The following FYB2 variants were observed in gnomAD, a reference collection of about 807,000 sequenced individuals.
The protein encoded by FYB2 is FYN binding protein 2.
Under a neutral mutation model 94.1 loss-of-function variants are expected in FYB2, and 103 were observed. That is an observed-to-expected ratio of 1.09 (90% confidence interval 0.93 to 1.29). The LOEUF (loss-of-function observed/expected upper bound fraction) is 1.29. Among genes scored for constraint, FYB2 ranks in the 50% most tolerant of loss-of-function variants. The pLI is 0.00. For missense variants in FYB2, 896 were observed against 841.5 expected (o/e 1.06, Z -0.80); for synonymous variants, 293 against 287.9 (o/e 1.02, Z -0.18).
chr1:56,746,511 A>C (rs1425842571), intron 9 of FYB2, among the ~76,000 whole-genome samples: 1 of 151,998 alleles, frequency 6.6e-6, no homozygotes, highest in Admixed American at 6.6e-5. Flanking sequence ...TTCTAATACC[A>C]GCGGTACTTA....
intron 9 of FYB2, among the ~76,000 whole-genome samples, chr1:56,747,505 G>A (rs929519947): frequency 1.3e-5 from 2 of 152,002 alleles, no homozygotes; most frequent in Non-Finnish European, 2.9e-5. Context: ...AGAATGTGTG[G>A]TGTTGGGTTT....
chr1:56,820,628 A>C (rs536374790), upstream of FYB2, among the ~76,000 whole-genome samples: 1 of 152,354 alleles, frequency 6.6e-6, no homozygotes, highest in African/African-American at 2.4e-5. Context: ...GTGATTCCCA[A>C]ACCTGGCTGA....
intron 15 of FYB2, among the ~76,000 whole-genome samples, chr1:56,733,830 C>A (rs1644767809): frequency 6.6e-6 from 1 of 152,066 alleles, no homozygotes; most frequent in African/African-American, 2.4e-5. Context: ...GCTTTACTTC[C>A]AATTATGTGA....
intron 4 of FYB2, among the ~76,000 whole-genome samples, chr1:56,783,257 A>G (rs1463968790): frequency 6.6e-6 from 1 of 152,144 alleles, no homozygotes; most frequent in Non-Finnish European, 1.5e-5. Flanking sequence ...AGATGTGTGT[A>G]TCGAAGATCT....
intron 15 of FYB2, among the ~76,000 whole-genome samples, chr1:56,732,750 G>T (rs1016580451): frequency 6.6e-6 from 1 of 151,986 alleles, no homozygotes; most frequent in East Asian, 1.9e-4. Context: ...TTCAGTAAAT[G>T]GTGCTAGGAA....
At chr1:56,743,982 T>C in intron 11 of FYB2, 44 bp downstream of exon 11, 1 of 1,583,238 alleles carries the variant, frequency 6.3e-7, no homozygotes, top group African/African-American at 1.3e-5. Flanking sequence ...AGAAGCATTC[T>C]GCAATTCCTA....
chr1:56,751,717 A>G (rs1198683385), intron 8 of FYB2, among the ~76,000 whole-genome samples: 2 of 151,434 alleles, frequency 1.3e-5, no homozygotes, highest in East Asian at 1.9e-4. Flanking sequence ...TTCTTTCTTC[A>G]CTCCCTTTCT....
At chr1:56,781,367 C>G (rs1201479382) in intron 4 of FYB2, among the ~76,000 whole-genome samples, 1 of 152,208 alleles carries the variant, frequency 6.6e-6, no homozygotes. Context: ...CTCCCCACAG[C>G]TGATCCAGCA....
intron 8 of FYB2, 97 bp downstream of exon 8, chr1:56,753,742 T>A: frequency 1.3e-6 from 1 of 775,518 alleles, no homozygotes; most frequent in Non-Finnish European, 2.2e-6. Context: ...CTTTTCTAAC[T>A]CTGTCTCTCT....
intron 4 of FYB2, 63 bp downstream of exon 4, chr1:56,787,112 G>T (rs1646148488): frequency 1.3e-6 from 2 of 1,562,640 alleles, no homozygotes; most frequent in Non-Finnish European, 1.8e-6. Context: ...GCCTGCTCTG[G>T]AGCAGTCTAA....
intron 13 of FYB2, among the ~76,000 whole-genome samples, chr1:56,739,684 T>C (rs1321300091): frequency 1.3e-5 from 2 of 152,124 alleles, no homozygotes; most frequent in Non-Finnish European, 2.9e-5. Flanking sequence ...AGTAGAAACC[T>C]ACTTCAAGTA....
the FYB2 span, among the ~76,000 whole-genome samples, chr1:56,825,718 A>T: frequency 2.6e-5 from 4 of 152,130 alleles, no homozygotes; most frequent in Non-Finnish European, 5.9e-5. Flanking sequence ...GAATGTACTT[A>T]CTCATTCATC....
intron 15 of FYB2, 57 bp downstream of exon 15, chr1:56,737,030 A>G (rs1644844010): frequency 7.9e-7 from 1 of 1,267,892 alleles, no homozygotes; most frequent in African/African-American, 1.5e-5. Flanking sequence ...TAATTAAGAA[A>G]GCATCAGGAA....
chr1:56,774,716 G>A (rs535158778), intron 4 of FYB2, among the ~76,000 whole-genome samples: 20 of 152,024 alleles, frequency 1.3e-4, no homozygotes, highest in Non-Finnish European at 2.5e-4. Flanking sequence ...ATTGTGCCAG[G>A]GTGTGTCTGT....
intron 8 of FYB2, among the ~76,000 whole-genome samples, chr1:56,752,694 C>G (rs548972782): frequency 6.6e-6 from 1 of 152,208 alleles, no homozygotes; most frequent in Admixed American, 6.5e-5. Context: ...ATTCACCTAA[C>G]ATATTCTAAA....
intron 9 of FYB2, among the ~76,000 whole-genome samples, chr1:56,749,939 A>C (rs1645156141): frequency 6.6e-6 from 1 of 151,918 alleles, no homozygotes; most frequent in Non-Finnish European, 1.5e-5. Context: ...TTTATTCTTC[A>C]CTTTGTTTTA....
intron 5 of FYB2, among the ~76,000 whole-genome samples, chr1:56,765,484 G>A (rs1440962707): frequency 6.6e-6 from 1 of 152,220 alleles, no homozygotes; most frequent in Non-Finnish European, 1.5e-5. Context: ...GCAGCCTGCT[G>A]AGGGTAGATG....
At chr1:56,734,791 G>C (rs1387115218) in intron 15 of FYB2, among the ~76,000 whole-genome samples, 2 of 151,876 alleles carry the variant, frequency 1.3e-5, no homozygotes, top group Non-Finnish European at 2.9e-5. Flanking sequence ...TTGTGCACTT[G>C]TACCCTAGAA....
At chr1:56,736,451 A>AGCCTGTCT (rs1284396294) in intron 15 of FYB2, among the ~76,000 whole-genome samples, 1 of 137,654 alleles carries the variant, frequency 7.3e-6, no homozygotes, top group African/African-American at 2.8e-5. Flanking sequence ...TTTGGAACAG[A>AGCCTGTCT]GCCTGTCTCC....
Sources: allele counts gnomAD v4.1 joint callset (sites outside exome capture counted in the v4.1 genomes callset), GRCh38; gene constraint gnomAD v4.1.1; transcripts MANE v1.5; gene names NCBI Gene and HGNC (gene_info 2026-07-23, HGNC 2026-07-21).